Variants in SCGB1D1 observed in about 807,000 individuals in gnomAD.
The protein encoded by SCGB1D1 is lipophilin A (uteroglobin family member).
A neutral mutation model predicts 8.3 loss-of-function variants in SCGB1D1; 10 were observed. The ratio of observed to expected loss-of-function variants is 1.21; its 90% CI spans 0.74 to 2.05. The LOEUF is 2.05. Among genes scored for constraint, SCGB1D1 ranks in the 30% most tolerant of loss-of-function variants. SCGB1D1 has a pLI of 0.00. For missense variants in SCGB1D1, 94 were observed against 105.1 expected (o/e 0.89, Z 0.46); for synonymous variants, 46 against 41.7 (o/e 1.10, Z -0.39).
rs35254963 is a variant in SCGB1D1, at chr11:62,192,160, G to A, written c.160G>A (p.Glu54Lys). The A allele has an allele frequency of 1.9e-4, 299 of 1,614,018 alleles. No individual in the cohort carries two copies. Among genetic ancestry groups the A allele is most frequent in the Middle Eastern group, 6.6e-4 (4 of 6,058 alleles). Residue 54 changes from glutamate (E) to lysine (K), a missense_variant, in exon 2 of 3, where the codon GAA (glutamate) becomes AAA (lysine). Transcript: ENST00000306238. ...ACTTGCCAAATTTAAGGCACCTCTG[G>A]AAGCTGTTGCAGCCAAGATGGAAGT... ...FQLAKFKAPL[E>K]AVAAKMEVKK...
chr11:62,192,298 G>T, intron 2 of SCGB1D1, 55 bp downstream of exon 2: 1 of 1,486,674 alleles, frequency 6.7e-7, no homozygotes, highest in Non-Finnish European at 9.2e-7. Context: ...ACAGTGTGAA[G>T]TGAGGTCAGC....
intron 1 of SCGB1D1, among the ~76,000 whole-genome samples, chr11:62,191,017 G>A (rs1944674065): frequency 1.3e-5 from 2 of 152,126 alleles, no homozygotes; most frequent in African/African-American, 4.8e-5. Flanking sequence ...CCGTAATGGT[G>A]GTAGAAATAC....
chr11:62,190,348 A>G lies in SCGB1D1; in HGVS notation c.55+9A>G. 1 of 1,614,124 alleles carries G rather than the reference A, an allele frequency of 6.2e-7. No homozygotes were observed. Among genetic ancestry groups the G allele is most frequent in the South Asian group, 1.1e-5 (1 of 91,084 alleles). ...CCTTTGCTGCTACCGGGGTGAGTACATCAGTCATGAGTCCAGCACCAGCCC... is the reference window on the plus strand; with the variant it reads ...CCTTTGCTGCTACCGGGGTGAGTACGTCAGTCATGAGTCCAGCACCAGCCC... On this transcript the variant is annotated intron_variant, in intron 1 of 2. Transcript: ENST00000306238.
In SCGB1D1 at chr11:62,190,269, A is replaced by C; in HGVS notation, c.-16A>C. ...CATCATTGGTTAAAGCCGAGCTCACAGCAGAATAAGCCACCATGAGGCTGT... is the reference window on the plus strand; with the variant it reads ...CATCATTGGTTAAAGCCGAGCTCACCGCAGAATAAGCCACCATGAGGCTGT... On this transcript the variant is annotated 5_prime_UTR_variant, in exon 1 of 3. Transcript: ENST00000306238. The C allele has an allele frequency of 2.5e-6, 4 of 1,614,168 alleles. No homozygotes were observed. Among genetic ancestry groups the C allele is most frequent in the Non-Finnish European group, 3.4e-6 (4 of 1,180,002 alleles).
chr11:62,191,630 T>C (rs1277876896), intron 1 of SCGB1D1, among the ~76,000 whole-genome samples: 1 of 152,232 alleles, frequency 6.6e-6, no homozygotes, highest in East Asian at 1.9e-4. Context: ...TACTCATTTC[T>C]CTAATTTCTG....
In SCGB1D1 at chr11:62,193,420, G is replaced by T. The variant is rs767486935; in HGVS notation, c.265G>T (p.Asp89Tyr). 1.2e-6 allele frequency: 2 copies of T among 1,612,460 alleles called. No individual in the cohort carries two copies. Among genetic ancestry groups the T allele is most frequent in the Non-Finnish European group, 1.7e-6 (2 of 1,179,286 alleles). ...KTLGKIAEKCDR is the reference protein window; with the variant it reads ...KTLGKIAEKCYR ...TCAGGGAAAAATAGCAGAGAAATGT[G>T]ATCGCTGAGATGTAAAAAGTTTTTA... is the stretch of plus-strand genomic sequence containing the variant. The change falls in exon 3 of 3, where the codon GAT becomes TAT. Residue 89 changes from aspartate (D) to tyrosine (Y), a missense_variant. Coordinates refer to ENST00000306238, the MANE Select transcript of SCGB1D1 (RefSeq NM_006552.2).
At chr11:62,192,840 G>A (rs1944689581) in intron 2 of SCGB1D1, among the ~76,000 whole-genome samples, 1 of 152,198 alleles carries the variant, frequency 6.6e-6, no homozygotes, top group Non-Finnish European at 1.5e-5. Flanking sequence ...TCTACCTCCT[G>A]CAGTGCCATG....
At chr11:62,192,277 T>C (rs767507061) in intron 2 of SCGB1D1, 34 bp downstream of exon 2, 1 of 1,571,836 alleles carries the variant, frequency 6.4e-7, no homozygotes, top group Admixed American at 1.7e-5. Context: ...TCCAGGCTTC[T>C]GGTCAGCGGC....
rs565435059 is a variant in SCGB1D1 at position 62,190,686 on chromosome 11, C to T, written c.55+347C>T. Among the ~76,000 whole-genome samples the T allele has an allele frequency of 7.9e-5, 12 of 152,258 alleles. No individual in the cohort carries two copies. In the East Asian group the frequency reaches 1.5e-3, roughly 20 times the overall value. ...GTGGGCAAGATGCTCACCCTCCCCG[C>T]GCCTCCTCCTATCTCTGGTGCTTAG... On this transcript the variant is annotated intron_variant, in intron 1 of 2. Coordinates refer to ENST00000306238, the MANE Select transcript of SCGB1D1 (RefSeq NM_006552.2).
chr11:62,193,528 A>T lies in SCGB1D1; in HGVS notation c.*100A>T. On this transcript the variant is annotated 3_prime_UTR_variant, in exon 3 of 3. Coordinates refer to ENST00000306238, the MANE Select transcript of SCGB1D1 (RefSeq NM_006552.2). ...TTTCAACGTCTTGCTCTAATAAATC[A>T]CTTGCCCTGAACTTCTCCACTGGTC... The T allele has an allele frequency of 3.7e-6, 4 of 1,068,974 alleles. No homozygotes were observed. The highest frequency in any genetic ancestry group is 2.5e-5 in the East Asian group (1 of 39,714). 66.2% of individuals were successfully genotyped at this position (1,068,974 alleles called of 1,614,324 possible). A position where few individuals can be genotyped will look rare whatever the true frequency, so the allele number is the denominator to read the frequency against.
chr11:62,191,343 CT>C (rs1462088400), intron 1 of SCGB1D1, among the ~76,000 whole-genome samples: 1 of 152,120 alleles, frequency 6.6e-6, no homozygotes, highest in African/African-American at 2.4e-5. Flanking sequence ...TACTCCAGGT[CT>C]TTCCAAAATT....
chr11:62,192,820 C>A (rs2089428914), intron 2 of SCGB1D1, among the ~76,000 whole-genome samples: 1 of 152,204 alleles, frequency 6.6e-6, no homozygotes, highest in Admixed American at 6.5e-5. Context: ...TGGGCCAAGA[C>A]CCTCGCTACT....
Position 62,190,230 on chromosome 11 carries a change from G to A in SCGB1D1, c.-55G>A. On this transcript the variant is annotated 5_prime_UTR_variant, in exon 1 of 3. Coordinates refer to ENST00000306238, the MANE Select transcript of SCGB1D1 (RefSeq NM_006552.2). Reference sequence around the variant, plus strand: ...CACGGCTCCACAGGCTCCCGGGGCTGAGTCTAAATCACTCATCATTGGTTA... The same window carrying A: ...CACGGCTCCACAGGCTCCCGGGGCTAAGTCTAAATCACTCATCATTGGTTA... 2 of 1,611,124 alleles carry A rather than the reference G, an allele frequency of 1.2e-6. No homozygotes were observed. The highest frequency in any genetic ancestry group is 1.7e-6 in the Non-Finnish European group (2 of 1,177,578).
At chr11:62,193,007 A>AT (rs1944690909) in intron 2 of SCGB1D1, among the ~76,000 whole-genome samples, 1 of 152,126 alleles carries the variant, frequency 6.6e-6, no homozygotes, top group African/African-American at 2.4e-5. Flanking sequence ...CTGAGGCAGA[A>AT]TTCCCACATG....
intron 1 of SCGB1D1, among the ~76,000 whole-genome samples, chr11:62,190,724 G>C (rs926954163): frequency 3.4e-4 from 52 of 152,144 alleles, no homozygotes; most frequent in Non-Finnish European, 1.3e-4. Flanking sequence ...CTTCTTCCGG[G>C]AGTGGCAATG....
intron 2 of SCGB1D1, 138 bp from the exon 3 acceptor site, chr11:62,193,261 C>G (rs1444622264): frequency 1.7e-5 from 12 of 723,174 alleles, no homozygotes; most frequent in Non-Finnish European, 2.8e-5. Flanking sequence ...CCCTGGTTTC[C>G]CACACACACT....
At chr11:62,192,330 A>G in intron 2 of SCGB1D1, 87 bp downstream of exon 2, 12 of 1,234,436 alleles carry the variant, frequency 9.7e-6, no homozygotes, top group Non-Finnish European at 1.4e-5. Flanking sequence ...TCTGTGAGGG[A>G]CACAGGTGGT....
intron 2 of SCGB1D1, among the ~76,000 whole-genome samples, chr11:62,193,145 C>T (rs183820104): frequency 1.3e-5 from 2 of 152,320 alleles, no homozygotes; most frequent in Non-Finnish European, 2.9e-5. Context: ...CAGACAATAA[C>T]CTCTTGCTGC....
intron 2 of SCGB1D1, 80 bp downstream of exon 2, chr11:62,192,323 G>C: frequency 7.7e-7 from 1 of 1,296,496 alleles, no homozygotes. Context: ...TTGCTGCTCT[G>C]TGAGGGACAC....
Sources: allele counts gnomAD v4.1 joint callset (sites outside exome capture counted in the v4.1 genomes callset), GRCh38; gene constraint gnomAD v4.1.1; transcripts MANE v1.5; gene names NCBI Gene and HGNC (gene_info 2026-07-23, HGNC 2026-07-21).